The following DNAH3 variants were observed in gnomAD, a reference collection of about 807,000 sequenced individuals.
DNAH3 encodes dynein axonemal heavy chain 3, also known as axonemal beta dynein heavy chain 3.
A neutral mutation model predicts 432.5 loss-of-function variants in DNAH3; 332 were observed. That is an observed-to-expected ratio of 0.77 (90% confidence interval 0.70 to 0.84). The LOEUF is 0.84. DNAH3 is among the 40% of genes least tolerant of loss of function. The pLI is 0.00. For synonymous variants in DNAH3, 1,956 were observed against 1,900.2 expected (o/e 1.03, Z -0.76); for missense variants, 4,861 against 5,114.0 (o/e 0.95, Z 1.51).
chr16:20,936,157 A>AT (rs35834122), intron 60 of DNAH3, among the ~76,000 whole-genome samples: 62 of 135,840 alleles, frequency 4.6e-4, no homozygotes, highest in African/African-American at 1.0e-3. Context: ...AGTTTGTGAC[A>AT]TTTTTTTTCT....
chr16:21,120,680 T>G (rs2092317131), intron 11 of DNAH3: 1 of 1,359,856 alleles, frequency 7.4e-7, no homozygotes, highest in African/African-American at 1.4e-5. Flanking sequence ...TTTTCAAACC[T>G]GGTACAAACC....
At chr16:21,039,770 G>A in intron 33 of DNAH3, 82 bp downstream of exon 33, 1 of 1,042,118 alleles carries the variant, frequency 9.6e-7, no homozygotes, top group Non-Finnish European at 1.5e-6. Flanking sequence ...TTCTTCCAAT[G>A]GGCAAACCAC....
At chr16:21,131,476 GAAGA>G (rs1177429049) in intron 7 of DNAH3, among the ~76,000 whole-genome samples, 4 of 74,244 alleles carry the variant, frequency 5.4e-5, no homozygotes, top group South Asian at 8.7e-4. Flanking sequence ...AGGAAGGAAG[GAAGA>G]AAGAAAAGAA....
intron 58 of DNAH3, among the ~76,000 whole-genome samples, chr16:20,942,470 G>A (rs2083857970): frequency 6.6e-6 from 1 of 152,152 alleles, no homozygotes; most frequent in South Asian, 2.1e-4. Context: ...CCACTGTGAG[G>A]GGAATTTCCA....
At chr16:21,144,344 C>T (rs766328254) in intron 3 of DNAH3, among the ~76,000 whole-genome samples, 2 of 152,170 alleles carry the variant, frequency 1.3e-5, no homozygotes, top group African/African-American at 2.4e-5. Flanking sequence ...TTCTCTCCCC[C>T]TCCCTCGCTC....
rs1209876563 is a variant in DNAH3, at chr16:21,141,343, T to C, written c.478A>G (p.Lys160Glu). ...TTTCTGGAGGAAAACTTCGTTTTTTTCCTCATGGGCTCTGATGAGCTTCTA... is the reference window on the plus strand; with the variant it reads ...TTTCTGGAGGAAAACTTCGTTTTTTCCCTCATGGGCTCTGATGAGCTTCTA... Residue 160 changes from lysine to glutamate, a missense_variant, in exon 4 of 62, where the codon AAA (lysine) becomes GAA (glutamate). Physicochemically the swap from Lys to Glu is moderately conservative, Grantham distance 56. Transcript: ENST00000261383. The C allele has an allele frequency of 1.9e-6, 3 of 1,592,180 alleles. No homozygotes were observed. The highest frequency in any genetic ancestry group is 1.1e-5 in the South Asian group (1 of 88,234).
intron 55 of DNAH3, among the ~76,000 whole-genome samples, chr16:20,954,291 CTT>C (rs1190060999): frequency 1.4e-4 from 18 of 127,760 alleles, no homozygotes; most frequent in Admixed American, 3.2e-4. Flanking sequence ...TACCTATAGA[CTT>C]TTTTTTTTTT....
At chr16:21,011,311 T>C (rs79418146) in intron 41 of DNAH3, among the ~76,000 whole-genome samples, 30 of 152,178 alleles carry the variant, frequency 2.0e-4, no homozygotes, top group African/African-American at 6.8e-4. Context: ...AGGAATGTCA[T>C]ATGGAGATTA....
intron 7 of DNAH3, among the ~76,000 whole-genome samples, chr16:21,128,865 G>C (rs374694255): frequency 3.6e-5 from 2 of 55,824 alleles, no homozygotes; most frequent in Non-Finnish European, 7.5e-5. Context: ...TCTCTACAAA[G>C]AAAAAAAAAA....
intron 19 of DNAH3, among the ~76,000 whole-genome samples, chr16:21,083,940 C>G (rs1023884210): frequency 4.6e-5 from 7 of 152,160 alleles, no homozygotes; most frequent in Non-Finnish European, 2.9e-5. Context: ...TTTAGGGGCT[C>G]ACTCCTTGGG....
intron 1 of DNAH3, among the ~76,000 whole-genome samples, chr16:21,147,033 TAC>T: frequency 6.6e-6 from 1 of 151,990 alleles, no homozygotes; most frequent in East Asian, 1.9e-4. Flanking sequence ...GTTCTGGGAT[TAC>T]AGGCATGAGC....
intron 19 of DNAH3, among the ~76,000 whole-genome samples, chr16:21,084,676 T>C (rs2091304412): frequency 6.6e-6 from 1 of 152,132 alleles, no homozygotes; most frequent in Non-Finnish European, 1.5e-5. Flanking sequence ...TCACACTATG[T>C]TGCCCAGGTT....
intron 31 of DNAH3, among the ~76,000 whole-genome samples, chr16:21,045,783 A>G (rs2089667981): frequency 6.6e-6 from 1 of 150,652 alleles, no homozygotes; most frequent in Non-Finnish European, 1.5e-5. Flanking sequence ...TCAATTTTGG[A>G]TCTTTCCTGC....
intron 31 of DNAH3, among the ~76,000 whole-genome samples, chr16:21,045,361 T>C (rs1414728385): frequency 1.3e-5 from 2 of 150,668 alleles, no homozygotes; most frequent in African/African-American, 4.8e-5. Flanking sequence ...CTCCTGTTAT[T>C]GGTCTATTCA....
chr16:20,985,512 C>A lies in DNAH3; in HGVS notation c.7230G>T (p.Arg2410Ser), dbSNP rs372411355. 2.4e-5 allele frequency: 38 copies of A among 1,614,010 alleles called. No homozygotes were observed. Among genetic ancestry groups the A allele is most frequent in the Non-Finnish European group, 7.6e-6 (9 of 1,180,024 alleles). Residue 2410 changes from arginine (R) to serine (S), a missense_variant, in exon 48 of 62, where the codon AGG (arginine) becomes AGT (serine). Arg to Ser is a moderately radical substitution (Grantham distance 110). Coordinates refer to ENST00000261383, the Ensembl canonical transcript of DNAH3. Reference sequence around the variant, plus strand: ...TCCTAGAGATGTGCTCAATGGCAAACCTGAACATGACCAGGGACATGGGGG... The same window carrying A: ...TCCTAGAGATGTGCTCAATGGCAAAACTGAACATGACCAGGGACATGGGGG...
chr16:21,036,342 A>G (rs1432535428), intron 35 of DNAH3, among the ~76,000 whole-genome samples: 3 of 152,118 alleles, frequency 2.0e-5, no homozygotes, highest in Non-Finnish European at 2.9e-5. Flanking sequence ...AAACAAACAA[A>G]CAAACAAACA....
intron 12 of DNAH3, among the ~76,000 whole-genome samples, chr16:21,115,424 G>A (rs1242115436): frequency 1.3e-5 from 2 of 149,430 alleles, no homozygotes; most frequent in Admixed American, 6.7e-5. Flanking sequence ...AAGACAAAAC[G>A]TGCCAGGCAA....
chr16:21,024,978 A>G (rs570714286), intron 38 of DNAH3, among the ~76,000 whole-genome samples: 1 of 152,194 alleles, frequency 6.6e-6, no homozygotes, highest in South Asian at 2.1e-4. Context: ...AGGCTGGAGT[A>G]CAGTGGTGCA....
Position 20,985,443 on chromosome 16 carries a change from C to CA in DNAH3, c.7298dup (p.Ile2435HisfsTer25), listed in dbSNP as rs1457041770. ...TTTGCCGCCCGCTGCCCCCTATGCC[C>CA]ACCAGGAGCAGGTGGCCTTTGTCCT... On this transcript the variant is annotated frameshift_variant, in exon 48 of 62. Transcript: ENST00000261383. LOFTEE classifies it high-confidence loss of function. 1.2e-6 allele frequency: 2 copies of CA among 1,614,212 alleles called. No individual in the cohort carries two copies. Among genetic ancestry groups the CA allele is most frequent in the Admixed American group, 3.3e-5 (2 of 60,032 alleles).
Sources: gnomAD v4.1 joint callset for allele counts (sites outside exome capture counted in the v4.1 genomes callset) on GRCh38, gnomAD v4.1.1 for gene constraint, MANE v1.5 for transcripts, NCBI Gene and HGNC (gene_info 2026-07-23, HGNC 2026-07-21) for gene names.